PTBP3: variants seen among roughly 807,000 people sequenced by gnomAD.
PTBP3 encodes the protein polypyrimidine tract binding protein 3.
A neutral mutation model predicts 58.7 loss-of-function variants in PTBP3; 20 were observed. That is an observed-to-expected ratio of 0.34 (90% confidence interval 0.24 to 0.50). The LOEUF (loss-of-function observed/expected upper bound fraction) is 0.50, where lower values mean the gene tolerates loss of function less well. Ranked by LOEUF, PTBP3 falls within the 20% of genes least tolerant of loss-of-function variation. PTBP3 has a pLI of 0.98. For missense variants in PTBP3, 509 were observed against 637.2 expected (o/e 0.80, Z 2.17); for synonymous variants, 185 against 219.8 (o/e 0.84, Z 1.40).
At chr9:112,326,504 T>G (rs987924693) in intron 1 of PTBP3, among the ~76,000 whole-genome samples, 7 of 152,228 alleles carry the variant, frequency 4.6e-5, no homozygotes, top group Non-Finnish European at 8.8e-5. Context: ...AACAGAAAAC[T>G]AATCCTCAAA....
At chr9:112,320,270 C>T (rs1179023293) in intron 1 of PTBP3, among the ~76,000 whole-genome samples, 1 of 71,106 alleles carries the variant, frequency 1.4e-5, no homozygotes, top group Admixed American at 1.7e-4. Flanking sequence ...AGGACGAGAC[C>T]CTTTCTCTTA....
chr9:112,352,665 G>A, the PTBP3 span, among the ~76,000 whole-genome samples: 18 of 152,202 alleles, frequency 1.2e-4, no homozygotes, highest in African/African-American at 3.4e-4. Context: ...GGAACATCTC[G>A]TTTACTCACT....
chr9:112,256,227 C>T (rs1468525599), intron 5 of PTBP3, among the ~76,000 whole-genome samples: 1 of 143,202 alleles, frequency 7.0e-6, no homozygotes, highest in Non-Finnish European at 1.5e-5. Flanking sequence ...GCACTCCAAC[C>T]TGGGCAACAA....
At chr9:112,325,802 T>C (rs1209438901) in intron 1 of PTBP3, among the ~76,000 whole-genome samples, 2 of 152,046 alleles carry the variant, frequency 1.3e-5, no homozygotes, top group Admixed American at 6.6e-5. Flanking sequence ...GGCAAGCAGA[T>C]GGCTTGAGCC....
the PTBP3 span, among the ~76,000 whole-genome samples, chr9:112,370,640 G>C: frequency 5.7e-3 from 869 of 152,260 alleles, 59 homozygotes; most frequent in East Asian, 0.15. Flanking sequence ...ACATTAATTT[G>C]AGGATTGGCT....
At chr9:112,261,141 T>C (rs781543158) in intron 5 of PTBP3, among the ~76,000 whole-genome samples, 2 of 152,038 alleles carry the variant, frequency 1.3e-5, no homozygotes, top group Non-Finnish European at 2.9e-5. Flanking sequence ...GAGAAGAAAA[T>C]CCACAAGAAC....
intron 1 of PTBP3, among the ~76,000 whole-genome samples, chr9:112,329,332 G>T (rs1390015869): frequency 6.6e-6 from 1 of 151,938 alleles, no homozygotes; most frequent in Non-Finnish European, 1.5e-5. Context: ...AGAATCACTT[G>T]AACCCCTTTG....
intron 5 of PTBP3, among the ~76,000 whole-genome samples, chr9:112,256,263 A>AAC (rs1196042688): frequency 1.5e-5 from 2 of 135,960 alleles, no homozygotes; most frequent in African/African-American, 5.5e-5. Flanking sequence ...TCAAAAAAAA[A>AAC]AAAAACAAAA....
chr9:112,334,445 G>A (rs1250970121), upstream of PTBP3, among the ~76,000 whole-genome samples: 1 of 152,112 alleles, frequency 6.6e-6, no homozygotes, highest in Non-Finnish European at 1.5e-5. Flanking sequence ...TTGCACCAGA[G>A]CCCTTCCCTC....
intron 4 of PTBP3, among the ~76,000 whole-genome samples, chr9:112,264,431 CT>C (rs1836718292): frequency 6.6e-6 from 1 of 152,132 alleles, no homozygotes; most frequent in East Asian, 1.9e-4. Flanking sequence ...ACAGTTGTGA[CT>C]TTAGTTTAAA....
intron 7 of PTBP3, among the ~76,000 whole-genome samples, chr9:112,247,402 T>C (rs994574273): frequency 1.3e-5 from 2 of 151,982 alleles, no homozygotes; most frequent in Non-Finnish European, 2.9e-5. Context: ...CGATACTTGT[T>C]TGGATCTTTA....
At position 112,331,126 on chromosome 9, in the gene PTBP3, C is replaced by CACACACACA. The variant is rs58593707; in HGVS notation, c.-52+2343_-52+2344insTGTGTGTGT. Among the ~76,000 whole-genome samples the CACACACACA allele has an allele frequency of 6.1e-5, 9 of 147,684 alleles. No homozygotes were observed. The East Asian group carries it at 1.6e-3, about 26-fold the overall frequency. ...ACACACACACACACACACACACACA[C>CACACACACA]GAGAGACAGTTGGGATTTGAGGAGG... On this transcript the variant is annotated intron_variant, in intron 1 of 13. Transcript: ENST00000374257.
Position 112,232,625 on chromosome 9 carries a change from T to C in PTBP3, c.881-387A>G, listed in dbSNP as rs117071427. Among the ~76,000 whole-genome samples, 930 of 152,342 alleles carry C rather than the reference T, an allele frequency of 6.1e-3. 3 individuals are homozygous for C. Among genetic ancestry groups the C allele is most frequent in the Non-Finnish European group, 0.011 (772 of 68,026 alleles). The stretch of plus-strand genomic sequence containing the variant: ...CTGACTTCTACCATAAAATCAGATA[T>C]GTATTTTTTTAAAGTCCTTCAGCAG... On this transcript the variant is annotated intron_variant, in intron 8 of 13. Coordinates refer to ENST00000374257, the MANE Select transcript of PTBP3 (RefSeq NM_001163788.4).
In PTBP3 at chr9:112,222,279, A is replaced by T; in HGVS notation, c.*1572T>A. 1 of 971,416 alleles carries T rather than the reference A, an allele frequency of 1.0e-6. No individual in the cohort carries two copies. Among genetic ancestry groups the T allele is most frequent in the Non-Finnish European group, 1.2e-6 (1 of 816,770 alleles). 60.2% of individuals were successfully genotyped at this position (971,416 alleles called of 1,614,324 possible). A position where few individuals can be genotyped will look rare whatever the true frequency, so the allele number is the denominator to read the frequency against. The stretch of plus-strand genomic sequence containing the variant: ...AAAAAGAAACAATTTTACATTATAC[A>T]ATCACTGAAGCAACATTAAAATGTA... On this transcript the variant is annotated 3_prime_UTR_variant, in exon 14 of 14. Coordinates refer to ENST00000374257, the MANE Select transcript of PTBP3 (RefSeq NM_001163788.4).
intron 12 of PTBP3, 141 bp downstream of exon 12, chr9:112,227,270 T>A: frequency 1.3e-6 from 1 of 793,796 alleles, no homozygotes; most frequent in Non-Finnish European, 2.0e-6. Context: ...GAAGGCATGA[T>A]GGCAAATAAA....
chr9:112,320,377 G>A (rs756128989), intron 1 of PTBP3, among the ~76,000 whole-genome samples: 5 of 142,638 alleles, frequency 3.5e-5, no homozygotes, highest in Non-Finnish European at 6.0e-5. Context: ...TAATTAGCTT[G>A]ATTTAGTCAC....
chr9:112,367,334 T>C, the PTBP3 span, among the ~76,000 whole-genome samples: 12 of 152,344 alleles, frequency 7.9e-5, no homozygotes, highest in African/African-American at 2.9e-4. Flanking sequence ...TTCATTTTGT[T>C]AGCTATTATT....
intron 7 of PTBP3, among the ~76,000 whole-genome samples, chr9:112,239,836 AGGG>A (rs1835578748): frequency 4.0e-4 from 2 of 5,008 alleles, no homozygotes; most frequent in Non-Finnish European, 6.5e-4. Context: ...GGAGGAAGGG[AGGG>A]AGGGAGGGAG....
At chr9:112,246,959 A>G (rs1243424593) in intron 7 of PTBP3, among the ~76,000 whole-genome samples, 1 of 152,202 alleles carries the variant, frequency 6.6e-6, no homozygotes, top group Non-Finnish European at 1.5e-5. Flanking sequence ...ATGATGAGGA[A>G]AACCCAGACA....
Sources: allele counts gnomAD v4.1 joint callset (sites outside exome capture counted in the v4.1 genomes callset), GRCh38; gene constraint gnomAD v4.1.1; transcripts MANE v1.5; gene names NCBI Gene and HGNC (gene_info 2026-07-23, HGNC 2026-07-21).